TIMM9: variants seen among roughly 807,000 people sequenced by gnomAD.
TIMM9 encodes the protein translocase of inner mitochondrial membrane 9.
A neutral mutation model predicts 13.4 loss-of-function variants in TIMM9; 10 were observed. The ratio of observed to expected loss-of-function variants is 0.75; its 90% CI spans 0.46 to 1.26. TIMM9 has a LOEUF of 1.26. Among genes scored for constraint, TIMM9 ranks in the 50% most tolerant of loss-of-function variants. The pLI is 0.00. For synonymous variants in TIMM9, 32 were observed against 32.1 expected (o/e 1.00, Z 0.01); for missense variants, 87 against 100.8 (o/e 0.86, Z 0.58).
chr14:58,416,992 G>C (rs1851469120), intron 3 of TIMM9, among the ~76,000 whole-genome samples: 1 of 152,108 alleles, frequency 6.6e-6, no homozygotes, highest in African/African-American at 2.4e-5. Flanking sequence ...GACCTGGTGG[G>C]AGGTAATTGA....
chr14:58,409,495 G>A (rs986312995), intron 5 of TIMM9, among the ~76,000 whole-genome samples: 2 of 152,170 alleles, frequency 1.3e-5, no homozygotes, highest in Admixed American at 6.5e-5. Flanking sequence ...TTATTAAAAT[G>A]TAGACCCAGT....
chr14:58,416,430 C>G (rs2036411617), intron 3 of TIMM9, among the ~76,000 whole-genome samples: 1 of 152,072 alleles, frequency 6.6e-6, no homozygotes, highest in Non-Finnish European at 1.5e-5. Context: ...AATGCAGAAA[C>G]CTGTATCTAG....
chr14:58,419,501 AC>A (rs1566752455), intron 3 of TIMM9, among the ~76,000 whole-genome samples: 35 of 144,362 alleles, frequency 2.4e-4, no homozygotes, highest in Admixed American at 9.7e-4. Flanking sequence ...ACACACACAC[AC>A]ACAAACACAT....
chr14:58,417,352 G>A (rs986771663), intron 3 of TIMM9, among the ~76,000 whole-genome samples: 2 of 151,728 alleles, frequency 1.3e-5, no homozygotes, highest in Non-Finnish European at 2.9e-5. Context: ...AGAAAAGAAA[G>A]AAAAGTAGCT....
intron 3 of TIMM9, among the ~76,000 whole-genome samples, chr14:58,415,219 C>T (rs1595016803): frequency 6.6e-6 from 1 of 152,158 alleles, no homozygotes; most frequent in East Asian, 1.9e-4. Flanking sequence ...CCACCACTTC[C>T]CCTCATGGAG....
intron 3 of TIMM9, among the ~76,000 whole-genome samples, chr14:58,417,355 A>G (rs1766517287): frequency 6.6e-6 from 1 of 151,810 alleles, no homozygotes; most frequent in Non-Finnish European, 1.5e-5. Context: ...AAAGAAAGAA[A>G]AGTAGCTGGG....
chr14:58,415,633 C>G (rs77715543), intron 3 of TIMM9, among the ~76,000 whole-genome samples: 2,219 of 151,956 alleles, frequency 0.015, 64 homozygotes, highest in African/African-American at 0.05. Context: ...AATTGGAAGC[C>G]AGAAAATAGA....
rs117955659 is a variant in TIMM9 at position 58,423,223 on chromosome 14, A to G, written c.-27+785T>C. On this transcript the variant is annotated intron_variant, in intron 3 of 5. Coordinates refer to ENST00000395159, the MANE Select transcript of TIMM9 (RefSeq NM_012460.4). ...CCTCGGTAGTCACCAGTATCTATCA[A>G]GATTACGGTATAGGCCAGGCACAGT... is the stretch of plus-strand genomic sequence containing the variant. Among the ~76,000 whole-genome samples the G allele has an allele frequency of 4.5e-4, 69 of 152,158 alleles. No homozygotes were observed. The East Asian group carries it at 0.01, about 23-fold the overall frequency.
In TIMM9 at chr14:58,408,563, T is replaced by G. The variant is rs138986140; in HGVS notation, c.*471A>C. ...GCAGACATGAATGAACAGGACTGCTTGGAGGATGATCCTGATTGAAAAACA... is the reference window on the plus strand; with the variant it reads ...GCAGACATGAATGAACAGGACTGCTGGGAGGATGATCCTGATTGAAAAACA... On this transcript the variant is annotated 3_prime_UTR_variant, in exon 6 of 6. Coordinates refer to ENST00000395159, the MANE Select transcript of TIMM9 (RefSeq NM_012460.4). 5 of 1,613,956 alleles carry G rather than the reference T, an allele frequency of 3.1e-6. No homozygotes were observed. The African/African-American group carries it at 6.7e-5, about 22-fold the overall frequency.
chr14:58,426,455 T>G (rs1289561473), intron 2 of TIMM9, among the ~76,000 whole-genome samples: 1 of 152,144 alleles, frequency 6.6e-6, no homozygotes, highest in Non-Finnish European at 1.5e-5. Context: ...TCCGCCCGCC[T>G]TGGCCTCCCA....
At chr14:58,416,601 C>A (rs2036417282) in intron 3 of TIMM9, among the ~76,000 whole-genome samples, 1 of 152,142 alleles carries the variant, frequency 6.6e-6, no homozygotes. Context: ...GAGGAAAACA[C>A]AGTAATAGGT....
intron 3 of TIMM9, among the ~76,000 whole-genome samples, chr14:58,420,520 C>T (rs1372400678): frequency 1.3e-5 from 2 of 152,082 alleles, no homozygotes; most frequent in Admixed American, 6.6e-5. Flanking sequence ...CTGCTGGGTG[C>T]GGTGGCTCAC....
At chr14:58,411,829 A>AG in intron 4 of TIMM9, 78 bp downstream of exon 4, 2 of 1,365,398 alleles carry the variant, frequency 1.5e-6, no homozygotes, top group Non-Finnish European at 2.1e-6. Flanking sequence ...GAGCCACTGC[A>AG]CCCAGCCTGA....
intron 4 of TIMM9, among the ~76,000 whole-genome samples, 156 bp from the exon 5 acceptor site, chr14:58,411,094 G>C (rs2036200263): frequency 6.6e-6 from 1 of 152,118 alleles, no homozygotes; most frequent in South Asian, 2.1e-4. Context: ...ATGATCTACA[G>C]AATAGTTTTA....
intron 3 of TIMM9, among the ~76,000 whole-genome samples, chr14:58,422,464 G>A (rs544471559): frequency 1.9e-4 from 29 of 152,210 alleles, no homozygotes; most frequent in Middle Eastern, 3.4e-3. Flanking sequence ...CTGGTACCCT[G>A]TGCTGCCTCT....
chr14:58,414,736 C>CAAAAAAAAAA (rs35380721), intron 3 of TIMM9, among the ~76,000 whole-genome samples: 3 of 117,538 alleles, frequency 2.6e-5, no homozygotes, highest in Non-Finnish European at 3.4e-5. Flanking sequence ...GACGCCATCT[C>CAAAAAAAAAA]AAAAAAAAAA....
Position 58,427,436 on chromosome 14 carries a change from A to G in TIMM9, c.-348T>C. On this transcript the variant is annotated 5_prime_UTR_variant, in exon 1 of 6. Coordinates refer to ENST00000395159, the MANE Select transcript of TIMM9 (RefSeq NM_012460.4). ...GGTCTTCGGAAGCGAAGCAGTGTCAACAGTCCCTGGTAAACACAAGTAGTA... is the reference window on the plus strand; with the variant it reads ...GGTCTTCGGAAGCGAAGCAGTGTCAGCAGTCCCTGGTAAACACAAGTAGTA... 2 of 674,514 alleles carry G rather than the reference A, an allele frequency of 3.0e-6. No individual in the cohort carries two copies. Among genetic ancestry groups the G allele is most frequent in the East Asian group, 5.6e-5 (2 of 35,532 alleles). 41.8% of individuals were successfully genotyped at this position (674,514 alleles called of 1,614,324 possible). A position where few individuals can be genotyped will look rare whatever the true frequency, so the allele number is the denominator to read the frequency against.
chr14:58,421,923 CAGG>C (rs969284498), intron 3 of TIMM9, among the ~76,000 whole-genome samples: 8 of 152,010 alleles, frequency 5.3e-5, no homozygotes, highest in Admixed American at 3.9e-4. Context: ...CACTGCACCT[CAGG>C]AGGACACCCA....
At position 58,410,721 on chromosome 14, in the gene TIMM9, A is replaced by G. The variant is rs1595007650; in HGVS notation, c.135+122T>C. Reference sequence around the variant, plus strand: ...GTGGCTGCTTCAGTTCTTCCAAGCAATGGAACATAAAAGGTAGTCTAAATT... The same window carrying G: ...GTGGCTGCTTCAGTTCTTCCAAGCAGTGGAACATAAAAGGTAGTCTAAATT... On this transcript the variant is annotated intron_variant, in intron 5 of 5. Coordinates refer to ENST00000395159, the MANE Select transcript of TIMM9 (RefSeq NM_012460.4). 7 of 668,388 alleles carry G rather than the reference A, an allele frequency of 1.0e-5. No individual in the cohort carries two copies. In the South Asian group the frequency reaches 1.4e-4, roughly 13 times the overall value. The allele number at this position is 668,388 out of a possible 1,614,324, so 41.4% of individuals were successfully genotyped here.
Sources: gnomAD v4.1 joint callset for allele counts (sites outside exome capture counted in the v4.1 genomes callset) on GRCh38, gnomAD v4.1.1 for gene constraint, MANE v1.5 for transcripts, NCBI Gene and HGNC (gene_info 2026-07-23, HGNC 2026-07-21) for gene names.